TRIM44: variants seen among roughly 807,000 people sequenced by gnomAD.
The protein encoded by TRIM44 is tripartite motif-containing protein 44.
Under a neutral mutation model 37.4 loss-of-function variants are expected in TRIM44, and 13 were observed. That is an observed-to-expected ratio of 0.35 (90% CI 0.23 to 0.55). TRIM44 has a LOEUF of 0.55. Among genes scored for constraint, TRIM44 ranks in the 20% least tolerant of loss-of-function variants. TRIM44 has a pLI of 0.89. For missense variants in TRIM44, 426 were observed against 437.2 expected (o/e 0.97, Z 0.23); for synonymous variants, 175 against 157.2 (o/e 1.11, Z -0.85).
intron 4 of TRIM44, among the ~76,000 whole-genome samples, chr11:35,766,837 C>G (rs1049851176): frequency 2.0e-5 from 3 of 152,178 alleles, no homozygotes; most frequent in Non-Finnish European, 2.9e-5. Context: ...TGGATACTTA[C>G]AAGGGGCACA....
rs1224961277 is a variant in TRIM44 at position 35,808,784 on chromosome 11, GC to G, written c.*2401del. ...CTTTTGCCCAGGCTTCTAAGTTCCT[GC>G]CGGCAGCATTTATCAATGTAAGAAC... On this transcript the variant is annotated 3_prime_UTR_variant, in exon 5 of 5. Transcript: ENST00000299413. The G allele has an allele frequency of 6.6e-6, 1 of 152,204 alleles. No homozygotes were observed. The highest frequency in any genetic ancestry group is 2.4e-5 in the African/African-American group (1 of 41,444). The allele number at this position is 152,204 out of a possible 1,614,324, so 9.4% of individuals were successfully genotyped here. A position where few individuals can be genotyped will look rare whatever the true frequency, so the allele number is the denominator to read the frequency against.
chr11:35,680,256 T>A (rs1414405147), intron 1 of TRIM44, among the ~76,000 whole-genome samples: 1 of 152,152 alleles, frequency 6.6e-6, no homozygotes, highest in Non-Finnish European at 1.5e-5. Context: ...CCTTTTTTTG[T>A]TTGTTTGTTT....
chr11:35,696,211 T>C (rs951330522), intron 2 of TRIM44, among the ~76,000 whole-genome samples: 3 of 150,144 alleles, frequency 2.0e-5, no homozygotes, highest in African/African-American at 4.9e-5. Context: ...TGGTGCAATC[T>C]CAGCTCACTG....
chr11:35,774,862 T>C lies in TRIM44; in HGVS notation c.1008-31496T>C, dbSNP rs573052909. 1.4e-4 allele frequency among the ~76,000 whole-genome samples: 21 copies of C among 152,340 alleles called. No homozygotes were observed. In the East Asian group the frequency reaches 3.3e-3, roughly 24 times the overall value. The stretch of plus-strand genomic sequence containing the variant: ...TGGTACCAGTACCATGCTGTTTTGC[T>C]TACTGGAGCTTTGTAGTATAGTTTG... On this transcript the variant is annotated intron_variant, in intron 4 of 4. Coordinates refer to ENST00000299413, the MANE Select transcript of TRIM44 (RefSeq NM_017583.6).
Position 35,808,337 on chromosome 11 carries a change from A to T in TRIM44, c.*1952A>T, listed in dbSNP as rs1164705846. On this transcript the variant is annotated 3_prime_UTR_variant, in exon 5 of 5. Transcript: ENST00000299413. The stretch of plus-strand genomic sequence containing the variant: ...ATACCATTAATTACAACCACCAATC[A>T]TATCCAACAAAAGTACCCTAAAAGA... 6.6e-6 allele frequency: 1 copy of T among 152,096 alleles called. No homozygotes were observed. The highest frequency in any genetic ancestry group is 2.4e-5 in the African/African-American group (1 of 41,434). The allele number at this position is 152,096 out of a possible 1,614,324, so 9.4% of individuals were successfully genotyped here.
intron 4 of TRIM44, among the ~76,000 whole-genome samples, chr11:35,746,721 T>C (rs1449952563): frequency 6.6e-6 from 1 of 152,200 alleles, no homozygotes; most frequent in East Asian, 1.9e-4. Context: ...GGTGAGGTTT[T>C]ACAAACCATG....
Position 35,720,909 on chromosome 11 carries a change from C to CTT in TRIM44, c.748-5000_748-4999dup, listed in dbSNP as rs549626841. ...CTCATTTATGTCATGGTATATAATT[C>CTT]TTTTTTTTTTTTTTTTAACAGTCTT... On this transcript the variant is annotated intron_variant, in intron 2 of 4. Coordinates refer to ENST00000299413, the MANE Select transcript of TRIM44 (RefSeq NM_017583.6). Among the ~76,000 whole-genome samples the CTT allele has an allele frequency of 1.7e-3, 241 of 138,032 alleles. 1 individual carries two copies. Among genetic ancestry groups the CTT allele is most frequent in the African/African-American group, 6.1e-3 (233 of 37,976 alleles). 90.6% of individuals were successfully genotyped at this position (138,032 alleles called of 152,430 possible).
chr11:35,749,829 GAC>G (rs1852539768), intron 4 of TRIM44, among the ~76,000 whole-genome samples: 1 of 152,238 alleles, frequency 6.6e-6, no homozygotes, highest in Admixed American at 6.5e-5. Context: ...GAGCTTGACT[GAC>G]ACAGTAATTA....
chr11:35,710,522 G>C (rs1414979578), intron 2 of TRIM44, among the ~76,000 whole-genome samples: 1 of 152,160 alleles, frequency 6.6e-6, no homozygotes, highest in African/African-American at 2.4e-5. Context: ...ATCCCAAAGA[G>C]GTAGCTTTGA....
At chr11:35,763,954 A>G (rs1463573684) in intron 4 of TRIM44, among the ~76,000 whole-genome samples, 2 of 152,176 alleles carry the variant, frequency 1.3e-5, no homozygotes, top group Non-Finnish European at 2.9e-5. Context: ...TTCCATTAGC[A>G]TATTTTGCAG....
intron 2 of TRIM44, among the ~76,000 whole-genome samples, chr11:35,701,598 G>A (rs887514544): frequency 6.6e-5 from 10 of 152,162 alleles, no homozygotes; most frequent in East Asian, 1.9e-4. Flanking sequence ...CCACAGTCAC[G>A]TGGTTACAAG....
At chr11:35,707,246 G>A (rs1284282162) in intron 2 of TRIM44, among the ~76,000 whole-genome samples, 1 of 152,120 alleles carries the variant, frequency 6.6e-6, no homozygotes, top group Non-Finnish European at 1.5e-5. Context: ...ACAAACCACT[G>A]CTCAATGAAA....
chr11:35,713,719 G>A (rs911402946), intron 2 of TRIM44, among the ~76,000 whole-genome samples: 6 of 152,260 alleles, frequency 3.9e-5, no homozygotes, highest in African/African-American at 1.2e-4. Flanking sequence ...GAGCACTGTG[G>A]TTCTTGGGTA....
chr11:35,735,958 T>C (rs1462815317), intron 4 of TRIM44, among the ~76,000 whole-genome samples: 2 of 152,204 alleles, frequency 1.3e-5, no homozygotes, highest in Admixed American at 6.5e-5. Context: ...GCTTCTGTAT[T>C]GCCACAGTTG....
intron 4 of TRIM44, among the ~76,000 whole-genome samples, chr11:35,760,487 A>G (rs1203235065): frequency 2.0e-5 from 3 of 152,122 alleles, no homozygotes; most frequent in African/African-American, 7.2e-5. Flanking sequence ...TGCTTGGTGC[A>G]CTGAACCCAG....
intron 2 of TRIM44, among the ~76,000 whole-genome samples, chr11:35,715,425 TGTGTGG>T (rs1554930076): frequency 3.4e-4 from 52 of 150,830 alleles, no homozygotes; most frequent in South Asian, 2.7e-3. Context: ...TGTGTGTGTG[TGTGTGG>T]GTGTGGGTGT....
chr11:35,690,635 A>G (rs1403229809), intron 2 of TRIM44, among the ~76,000 whole-genome samples: 1 of 152,196 alleles, frequency 6.6e-6, no homozygotes. Context: ...AGTTACTAGA[A>G]TTATTGACCC....
At chr11:35,687,293 A>G (rs1006644789) in intron 2 of TRIM44, among the ~76,000 whole-genome samples, 3 of 152,252 alleles carry the variant, frequency 2.0e-5, no homozygotes, top group African/African-American at 7.2e-5. Context: ...TATGGCAATG[A>G]AAATATCGGG....
At chr11:35,665,069 T>C (rs879320922) in intron 1 of TRIM44, among the ~76,000 whole-genome samples, 2 of 152,250 alleles carry the variant, frequency 1.3e-5, no homozygotes, top group African/African-American at 2.4e-5. Flanking sequence ...TTATTCACTT[T>C]CATTACTATT....
Sources: gnomAD v4.1 joint callset for allele counts (sites outside exome capture counted in the v4.1 genomes callset) on GRCh38, gnomAD v4.1.1 for gene constraint, MANE v1.5 for transcripts, NCBI Gene and HGNC (gene_info 2026-07-23, HGNC 2026-07-21) for gene names.